The following RALGPS1 variants were observed in gnomAD, a reference collection of about 807,000 sequenced individuals.
RALGPS1 encodes ras-specific guanine nucleotide-releasing factor RalGPS1.
In RALGPS1, 19 loss-of-function variants were observed where a neutral mutation model predicts 78.8. The ratio of observed to expected loss-of-function variants is 0.24; its 90% CI spans 0.17 to 0.35. The LOEUF is 0.35. Ranked by LOEUF, RALGPS1 falls within the 10% of genes least tolerant of loss-of-function variation. The pLI, the probability that RALGPS1 is intolerant of heterozygous loss-of-function variation, is 1.00. For synonymous variants in RALGPS1, 228 were observed against 256.3 expected (o/e 0.89, Z 1.06); for missense variants, 454 against 688.3 (o/e 0.66, Z 3.81).
At chr9:127,117,818 C>T (rs1380361728) in intron 8 of RALGPS1, among the ~76,000 whole-genome samples, 1 of 152,258 alleles carries the variant, frequency 6.6e-6, no homozygotes, top group Non-Finnish European at 1.5e-5. Context: ...AGTGGGACCA[C>T]CTCAGGCAGG....
chr9:127,136,952 G>T (rs532522511), intron 8 of RALGPS1, among the ~76,000 whole-genome samples: 1 of 152,256 alleles, frequency 6.6e-6, no homozygotes, highest in South Asian at 2.1e-4. Flanking sequence ...AGACTCAAGT[G>T]TAGAGACAAC....
chr9:127,129,715 C>T (rs984228815), intron 8 of RALGPS1, among the ~76,000 whole-genome samples: 2 of 152,200 alleles, frequency 1.3e-5, no homozygotes, highest in Non-Finnish European at 2.9e-5. Flanking sequence ...GTTTCAGGGG[C>T]ACCCACATAG....
intron 8 of RALGPS1, among the ~76,000 whole-genome samples, chr9:127,117,545 CAA>C (rs1421635486): frequency 6.6e-6 from 1 of 152,160 alleles, no homozygotes; most frequent in African/African-American, 2.4e-5. Context: ...ATTTGTAATG[CAA>C]AGAGATCCAT....
At chr9:127,173,544 T>C (rs1015995990) in intron 10 of RALGPS1, among the ~76,000 whole-genome samples, 3 of 152,142 alleles carry the variant, frequency 2.0e-5, no homozygotes, top group African/African-American at 4.8e-5. Context: ...TTTTTGTTGG[T>C]TTTGGGAGGA....
chr9:127,186,949 A>T (rs1488662146), intron 11 of RALGPS1, among the ~76,000 whole-genome samples: 1 of 152,120 alleles, frequency 6.6e-6, no homozygotes, highest in Non-Finnish European at 1.5e-5. Flanking sequence ...TGGGCATGGG[A>T]ATCGGAGCTA....
At chr9:127,180,217 G>A (rs2060130163) in intron 11 of RALGPS1, among the ~76,000 whole-genome samples, 1 of 152,216 alleles carries the variant, frequency 6.6e-6, no homozygotes, top group Admixed American at 6.5e-5. Flanking sequence ...CTTTGGAACT[G>A]GTGAAGACAT....
chr9:127,196,690 C>T, intron 13 of RALGPS1, 59 bp downstream of exon 13: 3 of 1,496,542 alleles, frequency 2.0e-6, no homozygotes, highest in South Asian at 1.3e-5. Context: ...GCGTGTGCTC[C>T]GTGTCTGTCT....
At chr9:127,153,544 CAGTG>C (rs1224747828) in intron 8 of RALGPS1, among the ~76,000 whole-genome samples, 2 of 152,040 alleles carry the variant, frequency 1.3e-5, no homozygotes, top group Non-Finnish European at 2.9e-5. Flanking sequence ...GGGAGGTCCT[CAGTG>C]AGTATTTGTG....
chr9:127,210,458 G>A (rs2062179309), intron 14 of RALGPS1: 1 of 561,188 alleles, frequency 1.8e-6, no homozygotes, highest in Non-Finnish European at 3.2e-6. Context: ...TCAATAAAAA[G>A]TTGAAAGAAT....
At chr9:127,196,719 C>T in intron 13 of RALGPS1, 88 bp downstream of exon 13, 1 of 1,415,440 alleles carries the variant, frequency 7.1e-7, no homozygotes. Context: ...CTGTGCCATG[C>T]CCAGTGGCGC....
At chr9:126,925,721 A>G (rs2035212782) in intron 1 of RALGPS1, among the ~76,000 whole-genome samples, 2 of 152,158 alleles carry the variant, frequency 1.3e-5, no homozygotes, top group South Asian at 4.1e-4. Context: ...AAAAAATTAT[A>G]GCACTGATGT....
At chr9:127,123,230 G>A (rs1001935766) in intron 8 of RALGPS1, among the ~76,000 whole-genome samples, 5 of 152,210 alleles carry the variant, frequency 3.3e-5, no homozygotes, top group East Asian at 1.9e-4. Context: ...CTGTGGCATC[G>A]GAGCTGCTCG....
In RALGPS1 at chr9:127,218,392, G is replaced by A. The variant is rs2131064491; in HGVS notation, c.1645-348G>A. Among the ~76,000 whole-genome samples, 1 of 152,320 alleles carries A rather than the reference G, an allele frequency of 6.6e-6. No homozygotes were observed. The highest frequency in any genetic ancestry group is 3.4e-3 in the Middle Eastern group (1 of 294). On this transcript the variant is annotated intron_variant, in intron 18 of 18. Transcript: ENST00000259351. The surrounding 1 kb of genome is among the most constrained non-coding windows in gnomAD (Gnocchi z 4.4). ...AGTTTGATTTTCACTGAAGGAGATA[G>A]GTTAAGAGCATGGGCTCTGGGTTCT...
chr9:127,038,309 C>T (rs1429943142), intron 5 of RALGPS1, among the ~76,000 whole-genome samples: 2 of 152,216 alleles, frequency 1.3e-5, no homozygotes, highest in Admixed American at 6.5e-5. Flanking sequence ...AGATATTTTA[C>T]ACTCATTTCA....
At chr9:127,034,331 C>A in intron 4 of RALGPS1, 100 bp from the exon 5 acceptor site, 4 of 1,078,170 alleles carry the variant, frequency 3.7e-6, no homozygotes, top group Non-Finnish European at 4.3e-6. Flanking sequence ...GGTGTCAGCC[C>A]TTTCCCACCT....
chr9:126,982,922 CTTCTTCTTTTTTT>C (rs1403435761), intron 4 of RALGPS1, among the ~76,000 whole-genome samples: 8 of 71,128 alleles, frequency 1.1e-4, no homozygotes, highest in African/African-American at 2.8e-4. Flanking sequence ...TCTTCTTCTT[CTTCTTCTTTTTTT>C]TTTTTTTTTT....
intron 8 of RALGPS1, among the ~76,000 whole-genome samples, chr9:127,123,670 A>C (rs2056368653): frequency 6.6e-6 from 1 of 152,226 alleles, no homozygotes; most frequent in South Asian, 2.1e-4. Flanking sequence ...GCATAGGTGG[A>C]GCTCTGTGAA....
intron 8 of RALGPS1, among the ~76,000 whole-genome samples, chr9:127,075,677 G>A (rs1274061913): frequency 6.6e-6 from 1 of 152,248 alleles, no homozygotes; most frequent in Non-Finnish European, 1.5e-5. Context: ...TTTTCTGGGA[G>A]GAACTGTAGG....
At chr9:127,181,309 A>G (rs1018696277) in intron 11 of RALGPS1, among the ~76,000 whole-genome samples, 2 of 152,218 alleles carry the variant, frequency 1.3e-5, no homozygotes, top group African/African-American at 4.8e-5. Flanking sequence ...GCCAAGCACC[A>G]TCGTAAGTGC....
Sources: allele counts gnomAD v4.1 joint callset (sites outside exome capture counted in the v4.1 genomes callset), GRCh38; gene constraint gnomAD v4.1.1; non-coding constraint Gnocchi (gnomAD v3.1); transcripts MANE v1.5; gene names NCBI Gene and HGNC (gene_info 2026-07-23, HGNC 2026-07-21).